Variants in GABBR2 observed in about 807,000 individuals in gnomAD.
The protein encoded by GABBR2 is gamma-aminobutyric acid type B receptor subunit 2, also known as G-protein coupled receptor 51.
GABBR2 carries 23 observed loss-of-function variants against 105.6 expected under a neutral mutation model. The ratio of observed to expected loss-of-function variants is 0.22; its 90% confidence interval spans 0.16 to 0.31. The LOEUF (loss-of-function observed/expected upper bound fraction) is 0.31, where lower values mean the gene tolerates loss of function less well. GABBR2 is among the 10% of genes least tolerant of loss of function. The pLI, the probability that GABBR2 is intolerant of heterozygous loss-of-function variation, is 1.00. For synonymous variants in GABBR2, 478 were observed against 499.7 expected, an observed-to-expected ratio of 0.96 and a Z score of 0.58; for missense variants, 734 against 1,245.5, an observed-to-expected ratio of 0.59 and a Z score of 6.18.
chr9:98,295,535 C>CT (rs72371187), intron 17 of GABBR2, among the ~76,000 whole-genome samples: 35,725 of 151,302 alleles, frequency 0.24, 4,793 homozygotes, highest in African/African-American at 0.38. Context: ...AATGAGATGT[C>CT]TTTTTTTTTG....
At chr9:98,297,946 CAATTCTCCAGTGAG>C (rs572748775) in intron 17 of GABBR2, among the ~76,000 whole-genome samples, 125 of 148,418 alleles carry the variant, frequency 8.4e-4, no homozygotes, top group African/African-American at 2.4e-3. Context: ...ATTGCTTGAA[CAATTCTCCAGTGAG>C]AATTCTCCAG....
chr9:98,303,266 T>C lies in GABBR2; in HGVS notation c.2387A>G (p.His796Arg). 6.2e-7 allele frequency: 1 copy of C among 1,614,140 alleles called. No homozygotes were observed. The highest frequency in any genetic ancestry group is 8.5e-7 in the Non-Finnish European group (1 of 1,180,012). Residue 796 changes from histidine (H) to arginine (R), a missense_variant, in exon 16 of 19, where the codon CAT becomes CGT. Physicochemically the swap from His to Arg is conservative, Grantham distance 29 (BLOSUM62 0). Coordinates refer to ENST00000259455, the MANE Select transcript of GABBR2 (RefSeq NM_005458.8). ...SRLEGLQSEN[H>R]RLRMKITELD... ...CTCTGTGATCTTCATTCGCAGGCGA[T>C]GGTTTTCTGACTGTAGGCCCTCCAG...
intron 1 of GABBR2, among the ~76,000 whole-genome samples, chr9:98,587,348 C>T (rs1829092568): frequency 6.6e-6 from 1 of 152,192 alleles, no homozygotes; most frequent in Non-Finnish European, 1.5e-5. Flanking sequence ...AGTCTGCACA[C>T]CTTCTATTGG....
intron 1 of GABBR2, among the ~76,000 whole-genome samples, chr9:98,609,363 C>T (rs1588251050): frequency 6.6e-6 from 1 of 152,216 alleles, no homozygotes; most frequent in African/African-American, 2.4e-5. Flanking sequence ...TTTCCCATTT[C>T]TGTGCCTTTG....
chr9:98,292,472 G>A (rs1830317008), intron 18 of GABBR2, among the ~76,000 whole-genome samples: 1 of 152,174 alleles, frequency 6.6e-6, no homozygotes, highest in Non-Finnish European at 1.5e-5. Flanking sequence ...TCACTGGTGG[G>A]TTCTGAGATA....
At chr9:98,361,735 T>C (rs1831588045) in intron 13 of GABBR2, among the ~76,000 whole-genome samples, 1 of 152,194 alleles carries the variant, frequency 6.6e-6, no homozygotes, top group Non-Finnish European at 1.5e-5. Flanking sequence ...CACTTCTATG[T>C]GGAAGGTGGT....
chr9:98,348,019 G>A (rs1215195363), intron 13 of GABBR2, among the ~76,000 whole-genome samples: 1 of 152,202 alleles, frequency 6.6e-6, no homozygotes, highest in Non-Finnish European at 1.5e-5. Context: ...CCATGATTGT[G>A]AAGCCTCTGC....
At chr9:98,506,817 A>G (rs1827522008) in intron 3 of GABBR2, among the ~76,000 whole-genome samples, 1 of 152,134 alleles carries the variant, frequency 6.6e-6, no homozygotes, top group Admixed American at 6.5e-5. Context: ...GCTGGCCTAC[A>G]TGGCAATTGG....
At chr9:98,324,929 T>TAC (rs1477633306) in intron 13 of GABBR2, among the ~76,000 whole-genome samples, 1 of 151,828 alleles carries the variant, frequency 6.6e-6, no homozygotes, top group Non-Finnish European at 1.5e-5. Flanking sequence ...ATAAACTTTG[T>TAC]ACACACACAT....
At chr9:98,467,421 GGGGAGTAGCAAGGAAT>G (rs1040888253) in intron 6 of GABBR2, among the ~76,000 whole-genome samples, 3 of 152,274 alleles carry the variant, frequency 2.0e-5, no homozygotes, top group East Asian at 1.9e-4. Flanking sequence ...TGAGTGCCTA[GGGGAGTAGCAAGGAAT>G]GGGAGTAGCA....
chr9:98,340,668 G>A (rs12553770), intron 13 of GABBR2, among the ~76,000 whole-genome samples: 4,984 of 152,202 alleles, frequency 0.033, 306 homozygotes, highest in East Asian at 0.26. Context: ...CATGCAGTAC[G>A]TAAGGGAGCA....
At chr9:98,644,105 C>T (rs181407060) in intron 1 of GABBR2, among the ~76,000 whole-genome samples, 13 of 152,266 alleles carry the variant, frequency 8.5e-5, no homozygotes, top group African/African-American at 2.4e-4. Context: ...ACCTGGAAAG[C>T]GGAGCGATGA....
At chr9:98,296,092 A>T (rs1830377493) in intron 17 of GABBR2, among the ~76,000 whole-genome samples, 1 of 152,222 alleles carries the variant, frequency 6.6e-6, no homozygotes, top group South Asian at 2.1e-4. Context: ...TTGAAACTGA[A>T]TGACCAATGT....
chr9:98,554,579 G>C (rs566322593), intron 2 of GABBR2, among the ~76,000 whole-genome samples: 1 of 151,988 alleles, frequency 6.6e-6, no homozygotes, highest in East Asian at 1.9e-4. Context: ...ACATAAGCAC[G>C]TTAGATACTT....
intron 12 of GABBR2, among the ~76,000 whole-genome samples, chr9:98,363,183 T>A (rs1252302373): frequency 6.6e-6 from 1 of 152,210 alleles, no homozygotes; most frequent in South Asian, 2.1e-4. Flanking sequence ...AAACTTCTAA[T>A]AATCCTTAAA....
chr9:98,472,014 C>G lies in GABBR2; in HGVS notation c.999+1132G>C, dbSNP rs142807051. ...GTCCTAATGATTTGCCATTTCTTGA[C>G]AAATCGATAAATCATTCATGTAGAG... On this transcript the variant is annotated intron_variant, in intron 6 of 18. Transcript: ENST00000259455. Among the ~76,000 whole-genome samples the G allele has an allele frequency of 1.1e-3, 161 of 152,236 alleles. No individual in the cohort carries two copies. The Middle Eastern group carries it at 0.02, about 19-fold the overall frequency.
At chr9:98,302,148 C>T (rs952386420) in intron 16 of GABBR2, among the ~76,000 whole-genome samples, 2 of 152,214 alleles carry the variant, frequency 1.3e-5, no homozygotes, top group African/African-American at 4.8e-5. Context: ...TCACTTCTTC[C>T]TTGCAGCTGT....
intron 6 of GABBR2, among the ~76,000 whole-genome samples, chr9:98,457,225 A>C (rs1322854929): frequency 6.6e-6 from 1 of 152,184 alleles, no homozygotes; most frequent in Non-Finnish European, 1.5e-5. Flanking sequence ...GGTGGTGTCC[A>C]TTTTTGAATT....
At chr9:98,594,152 GGCT>G (rs1365016784) in intron 1 of GABBR2, among the ~76,000 whole-genome samples, 3 of 152,202 alleles carry the variant, frequency 2.0e-5, no homozygotes, top group Non-Finnish European at 4.4e-5. Flanking sequence ...CTGGGGTCCA[GGCT>G]GCACAAGCAG....
Sources: gnomAD v4.1 joint callset for allele counts (sites outside exome capture counted in the v4.1 genomes callset) on GRCh38, gnomAD v4.1.1 for gene constraint, MANE v1.5 for transcripts, NCBI Gene and HGNC (gene_info 2026-07-23, HGNC 2026-07-21) for gene names.